IGF1R: variants seen among roughly 807,000 people sequenced by gnomAD.
The protein encoded by IGF1R is insulin like growth factor 1 receptor.
Under a neutral mutation model 144.6 loss-of-function variants are expected in IGF1R, and 44 were observed. The ratio of observed to expected loss-of-function variants is 0.30; its 90% CI spans 0.24 to 0.39. IGF1R has a LOEUF of 0.39. Among genes scored for constraint, IGF1R ranks in the 10% least tolerant of loss-of-function variants. The pLI, the probability that IGF1R is intolerant of heterozygous loss-of-function variation, is 1.00. For missense variants in IGF1R, 1,355 were observed against 1,833.7 expected, an observed-to-expected ratio of 0.74 and a Z score of 4.77; for synonymous variants, 795 against 722.8, an observed-to-expected ratio of 1.10 and a Z score of -1.60.
chr15:98,729,107 GAC>G (rs570006347), intron 2 of IGF1R, among the ~76,000 whole-genome samples: 370 of 152,310 alleles, frequency 2.4e-3, no homozygotes, highest in African/African-American at 8.4e-3. Flanking sequence ...TTACAAGGCT[GAC>G]ACAAAAAATA....
chr15:98,955,340 T>C (rs2016936300), intron 20 of IGF1R, among the ~76,000 whole-genome samples: 1 of 152,208 alleles, frequency 6.6e-6, no homozygotes, highest in East Asian at 1.9e-4. Flanking sequence ...GTCTAATTCT[T>C]TTCTCCCCAG....
chr15:98,951,453 T>C (rs2016770418), intron 20 of IGF1R, among the ~76,000 whole-genome samples: 1 of 152,262 alleles, frequency 6.6e-6, no homozygotes, highest in Admixed American at 6.5e-5. Context: ...TGTGTTAGTT[T>C]TTTATCGCAG....
intron 1 of IGF1R, among the ~76,000 whole-genome samples, chr15:98,683,267 G>A (rs1028748088): frequency 9.9e-5 from 15 of 152,014 alleles, no homozygotes; most frequent in Non-Finnish European, 5.9e-5. Context: ...GCCTTTTCAC[G>A]GATACACCTC....
intron 1 of IGF1R, among the ~76,000 whole-genome samples, chr15:98,664,934 G>T (rs796179445): frequency 1.7e-3 from 252 of 144,748 alleles, no homozygotes; most frequent in African/African-American, 6.0e-3. Context: ...GTTTTTTTTT[G>T]ACTGCAGAAT....
chr15:98,915,878 G>A (rs2015220848), intron 8 of IGF1R, 86 bp from the exon 9 acceptor site: 2 of 1,253,668 alleles, frequency 1.6e-6, no homozygotes, highest in East Asian at 4.6e-5. Flanking sequence ...CAAACTGGCA[G>A]TTTCCTGTTG....
At chr15:98,874,816 G>A (rs779765347) in intron 2 of IGF1R, among the ~76,000 whole-genome samples, 8 of 152,158 alleles carry the variant, frequency 5.3e-5, no homozygotes, top group South Asian at 4.1e-4. Flanking sequence ...GTGGGGAGTC[G>A]GCCCTCCTTT....
chr15:98,761,294 A>C (rs556530817), intron 2 of IGF1R, among the ~76,000 whole-genome samples: 29 of 152,352 alleles, frequency 1.9e-4, no homozygotes, highest in African/African-American at 7.0e-4. Flanking sequence ...ATACCTCTCA[A>C]GCTTTTGCTG....
At chr15:98,850,753 G>T (rs2141556747) in intron 2 of IGF1R, among the ~76,000 whole-genome samples, 1 of 152,136 alleles carries the variant, frequency 6.6e-6, no homozygotes. Context: ...GGTGGGGGGG[G>T]GTACCATGTT....
At chr15:98,693,888 G>T (rs925642613) in intron 1 of IGF1R, among the ~76,000 whole-genome samples, 22 of 152,168 alleles carry the variant, frequency 1.4e-4, no homozygotes, top group African/African-American at 5.1e-4. Flanking sequence ...TTACAGGCGT[G>T]AGCCACCGTG....
chr15:98,779,882 G>A (rs2055813258), intron 2 of IGF1R, among the ~76,000 whole-genome samples: 1 of 152,172 alleles, frequency 6.6e-6, no homozygotes, highest in Non-Finnish European at 1.5e-5. Context: ...AATTAGCAGA[G>A]TTTGCCCTCC....
intron 2 of IGF1R, among the ~76,000 whole-genome samples, chr15:98,724,635 A>C (rs552808743): frequency 2.7e-4 from 41 of 152,328 alleles, no homozygotes; most frequent in African/African-American, 9.6e-4. Flanking sequence ...AGCTCAGAGC[A>C]GGTCTGGCTA....
intron 6 of IGF1R, among the ~76,000 whole-genome samples, chr15:98,909,249 TTC>T (rs1168311282): frequency 4.3e-4 from 10 of 23,288 alleles, no homozygotes; most frequent in Admixed American, 6.6e-4. Context: ...TTTCTTTTTT[TTC>T]TTTTTTTTTC....
At chr15:98,920,002 T>C (rs1219386537) in intron 10 of IGF1R, among the ~76,000 whole-genome samples, 1 of 152,282 alleles carries the variant, frequency 6.6e-6, no homozygotes, top group East Asian at 1.9e-4. Flanking sequence ...AGCTAGAGTT[T>C]GTAAAACTTA....
intron 2 of IGF1R, among the ~76,000 whole-genome samples, chr15:98,730,941 G>A (rs1321289667): frequency 2.0e-5 from 3 of 152,026 alleles, no homozygotes; most frequent in Admixed American, 6.6e-5. Flanking sequence ...AGCTTGACTC[G>A]GAGTGGAAAC....
intron 20 of IGF1R, among the ~76,000 whole-genome samples, chr15:98,955,533 CAGCCCCGGGTTA>C (rs1428266313): frequency 2.0e-5 from 3 of 152,238 alleles, no homozygotes; most frequent in African/African-American, 7.2e-5. Flanking sequence ...TAGAGGCGGG[CAGCCCCGGGTTA>C]GGCCCTGTGG....
At chr15:98,953,711 C>T (rs1357489474) in intron 20 of IGF1R, among the ~76,000 whole-genome samples, 2 of 152,196 alleles carry the variant, frequency 1.3e-5, no homozygotes, top group Non-Finnish European at 2.9e-5. Context: ...CTACAGGATT[C>T]AGGAGGGAAT....
intron 2 of IGF1R, among the ~76,000 whole-genome samples, chr15:98,792,013 T>C (rs1643318075): frequency 6.6e-6 from 1 of 152,214 alleles, no homozygotes; most frequent in Non-Finnish European, 1.5e-5. Flanking sequence ...GTTTAGACAA[T>C]TCTCCCTGTT....
At chr15:98,708,429 T>TC (rs749254392) in intron 2 of IGF1R, among the ~76,000 whole-genome samples, 2 of 152,216 alleles carry the variant, frequency 1.3e-5, no homozygotes, top group Non-Finnish European at 2.9e-5. Flanking sequence ...AGCTTTGAAT[T>TC]CCTGATGAGA....
At chr15:98,661,851 C>CT (rs1160547327) in intron 1 of IGF1R, among the ~76,000 whole-genome samples, 1 of 151,576 alleles carries the variant, frequency 6.6e-6, no homozygotes, top group Non-Finnish European at 1.5e-5. Context: ...ATGCTTTTCT[C>CT]TTTTTTTCTC....
Sources: gnomAD v4.1 joint callset for allele counts (sites outside exome capture counted in the v4.1 genomes callset) on GRCh38, gnomAD v4.1.1 for gene constraint, MANE v1.5 for transcripts, NCBI Gene and HGNC (gene_info 2026-07-23, HGNC 2026-07-21) for gene names.